The following MYO16 variants were observed in gnomAD, a reference collection of about 807,000 sequenced individuals.
The protein encoded by MYO16 is myosin XVI.
In MYO16, 94 loss-of-function variants were observed where a neutral mutation model predicts 205.3. That is an observed-to-expected ratio of 0.46 (90% confidence interval 0.39 to 0.54). The LOEUF is 0.54. MYO16 is among the 20% of genes least tolerant of loss of function. The pLI is 0.00. For synonymous variants in MYO16, 988 were observed against 954.0 expected (o/e 1.04, Z -0.66); for missense variants, 2,315 against 2,387.5 (o/e 0.97, Z 0.63).
chr13:108,539,942 G>A, the MYO16 span, among the ~76,000 whole-genome samples: 2 of 151,982 alleles, frequency 1.3e-5, no homozygotes, highest in Non-Finnish European at 2.9e-5. Context: ...AATGTGAGTT[G>A]GAAAAAGAGT....
intron 34 of MYO16, among the ~76,000 whole-genome samples, chr13:109,201,230 C>T (rs2139970984): frequency 6.6e-6 from 1 of 152,176 alleles, no homozygotes; most frequent in Non-Finnish European, 1.5e-5. Context: ...AACATGCATC[C>T]TTTACTCATT....
chr13:108,890,331 C>A (rs1356855844), intron 14 of MYO16, among the ~76,000 whole-genome samples: 1 of 152,088 alleles, frequency 6.6e-6, no homozygotes, highest in Non-Finnish European at 1.5e-5. Flanking sequence ...ACAGTCATTG[C>A]TGCTGTGGAG....
At chr13:109,087,886 T>A (rs1324248244) in intron 27 of MYO16, among the ~76,000 whole-genome samples, 1 of 152,192 alleles carries the variant, frequency 6.6e-6, no homozygotes, top group Non-Finnish European at 1.5e-5. Flanking sequence ...CTTAAACAGG[T>A]CTTTTATTTA....
At chr13:108,884,698 T>G (rs923800604) in intron 13 of MYO16, among the ~76,000 whole-genome samples, 1 of 151,612 alleles carries the variant, frequency 6.6e-6, no homozygotes, top group African/African-American at 2.4e-5. Context: ...CCACCCATTC[T>G]AAACTCAATG....
chr13:109,024,399 G>A (rs1886293689), intron 23 of MYO16, among the ~76,000 whole-genome samples: 1 of 152,002 alleles, frequency 6.6e-6, no homozygotes, highest in Admixed American at 6.6e-5. Flanking sequence ...TGCACTAGAT[G>A]TTCAATAAAT....
At chr13:108,960,882 C>G (rs1424670209) in intron 17 of MYO16, among the ~76,000 whole-genome samples, 2 of 152,220 alleles carry the variant, frequency 1.3e-5, no homozygotes, top group Non-Finnish European at 2.9e-5. Flanking sequence ...TCAGCATTCT[C>G]TTACTTCCTG....
At chr13:108,544,163 T>C in the MYO16 span, among the ~76,000 whole-genome samples, 1 of 151,958 alleles carries the variant, frequency 6.6e-6, no homozygotes, top group Non-Finnish European at 1.5e-5. Context: ...GTTTTTAAGC[T>C]CTCATGTATT....
intron 33 of MYO16, among the ~76,000 whole-genome samples, chr13:109,168,319 A>T (rs1412107827): frequency 4.6e-5 from 7 of 152,232 alleles, no homozygotes; most frequent in African/African-American, 1.4e-4. Flanking sequence ...TGAAAACAGT[A>T]AAACATAAGG....
chr13:108,640,972 T>G (rs1182813918), intron 1 of MYO16, among the ~76,000 whole-genome samples: 1 of 152,218 alleles, frequency 6.6e-6, no homozygotes, highest in East Asian at 1.9e-4. Context: ...CACAGTTCAG[T>G]GATGCTTTGC....
At chr13:108,794,840 C>T (rs1886734934) in intron 6 of MYO16, among the ~76,000 whole-genome samples, 1 of 151,956 alleles carries the variant, frequency 6.6e-6, no homozygotes, top group Non-Finnish European at 1.5e-5. Flanking sequence ...AATTGAAATG[C>T]TTCAAATCAG....
At chr13:108,653,750 T>C (rs1881115552) in intron 1 of MYO16, among the ~76,000 whole-genome samples, 1 of 151,600 alleles carries the variant, frequency 6.6e-6, no homozygotes, top group South Asian at 2.1e-4. Context: ...AGGATATATA[T>C]GCTTATATGC....
rs1342515148 is a variant in MYO16 at position 109,055,015 on chromosome 13, C to A, written c.3049-31C>A. On this transcript the variant is annotated intron_variant, in intron 25 of 34. Coordinates refer to ENST00000457511, the MANE Select transcript of MYO16 (RefSeq NM_001198950.3). The surrounding 1 kb of genome is among the most constrained non-coding windows in gnomAD (Gnocchi z 5.0). The stretch of plus-strand genomic sequence containing the variant: ...TTTCCTTTCCTTTCCTTTCTTTTCT[C>A]CTGTCCTTCTTGTCTTTCTTTTTAT... The A allele has an allele frequency of 5.9e-6, 8 of 1,350,428 alleles. No individual in the cohort carries two copies. The African/African-American group carries it at 1.2e-4, about 21-fold the overall frequency. 83.7% of individuals were successfully genotyped at this position (1,350,428 alleles called of 1,614,324 possible).
intron 20 of MYO16, among the ~76,000 whole-genome samples, chr13:108,985,581 T>C (rs1884599262): frequency 6.6e-6 from 1 of 152,212 alleles, no homozygotes; most frequent in African/African-American, 2.4e-5. Context: ...TCAGTGTATT[T>C]AACTTCATGA....
chr13:108,530,297 A>T, the MYO16 span, among the ~76,000 whole-genome samples: 1 of 152,248 alleles, frequency 6.6e-6, no homozygotes, highest in Non-Finnish European at 1.5e-5. Context: ...GAGGAGATGT[A>T]GCATTAAGGA....
rs567775771 is a variant in MYO16 at position 109,113,616 on chromosome 13, T to C, written c.3439-6754T>C. 2.0e-5 allele frequency among the ~76,000 whole-genome samples: 3 copies of C among 152,282 alleles called. No homozygotes were observed. The South Asian group carries it at 6.2e-4, about 32-fold the overall frequency. ...AAACAGGAAGTGGGTTCTAGAAACC[T>C]CAATAGAACTTATGACTAAATGGGG... On this transcript the variant is annotated intron_variant, in intron 28 of 34. Coordinates refer to ENST00000457511, the MANE Select transcript of MYO16 (RefSeq NM_001198950.3).
upstream of MYO16, chr13:108,596,062 G>A (rs2139291482): frequency 6.6e-6 from 1 of 150,846 alleles, no homozygotes; most frequent in South Asian, 2.1e-4. Context: ...CTTTTTTGAA[G>A]TCGATCTACA....
chr13:108,955,694 T>G (rs1883322333), intron 16 of MYO16, among the ~76,000 whole-genome samples: 1 of 151,972 alleles, frequency 6.6e-6, no homozygotes, highest in Admixed American at 6.6e-5. Flanking sequence ...CTACTAAAAA[T>G]ACAAAAATTA....
At chr13:108,819,305 A>T (rs2139012472) in intron 7 of MYO16, among the ~76,000 whole-genome samples, 1 of 152,222 alleles carries the variant, frequency 6.6e-6, no homozygotes, top group East Asian at 1.9e-4. Flanking sequence ...GGTTAAACCC[A>T]TCAAGTCTGA....
At chr13:109,013,587 G>A (rs1429672895) in intron 22 of MYO16, among the ~76,000 whole-genome samples, 1 of 152,144 alleles carries the variant, frequency 6.6e-6, no homozygotes, top group Non-Finnish European at 1.5e-5. Context: ...CACCAACAGT[G>A]CAAAAGCATT....
Sources: gnomAD v4.1 joint callset for allele counts (sites outside exome capture counted in the v4.1 genomes callset) on GRCh38, gnomAD v4.1.1 for gene constraint, Gnocchi (gnomAD v3.1) non-coding constraint, MANE v1.5 for transcripts, NCBI Gene and HGNC (gene_info 2026-07-23, HGNC 2026-07-21) for gene names.